Variants in DACH2 observed in about 807,000 individuals in gnomAD.
DACH2 encodes dachshund homolog 2.
A neutral mutation model predicts 35.8 loss-of-function variants in DACH2; 17 were observed. The observed-to-expected ratio is 0.48, with a 90% confidence interval of 0.33 to 0.71. The LOEUF (loss-of-function observed/expected upper bound fraction) is 0.71. Among genes scored for constraint, DACH2 ranks in the 30% least tolerant of loss-of-function variants. The probability of loss-of-function intolerance (pLI) is 0.02; values close to 1 mark genes in which losing one functional copy is unlikely to be tolerated. For missense variants in DACH2, 469 were observed against 472.7 expected (o/e 0.99, Z 0.07); for synonymous variants, 195 against 177.3 (o/e 1.10, Z -0.79).
At chrX:86,380,192 A>T (rs1430552033) in intron 2 of DACH2, among the ~76,000 whole-genome samples, 6 of 110,568 alleles carry the variant, frequency 5.4e-5, no homozygotes, top group Non-Finnish European at 1.1e-4. Context: ...AATCATCGTA[A>T]CAACTCTATA....
chrX:86,465,850 T>C (rs934976045), intron 2 of DACH2, among the ~76,000 whole-genome samples: 1 of 112,008 alleles, frequency 8.9e-6, no homozygotes, highest in Non-Finnish European at 1.9e-5. Context: ...TTTGAAAGAC[T>C]CACTTTATTT....
chrX:86,228,742 T>C (rs1345443818), intron 1 of DACH2, among the ~76,000 whole-genome samples: 1 of 112,070 alleles, frequency 8.9e-6, no homozygotes, highest in African/African-American at 3.2e-5. Context: ...TCATGTATTT[T>C]TTGGCCATTT....
chrX:86,647,181 T>C (rs995980711), intron 3 of DACH2, among the ~76,000 whole-genome samples: 1 of 110,418 alleles, frequency 9.1e-6, no homozygotes, highest in Non-Finnish European at 1.9e-5. Context: ...TCTGAATATA[T>C]ATGAGGTAAA....
intron 7 of DACH2, among the ~76,000 whole-genome samples, chrX:86,794,229 A>G (rs1370124563): frequency 9.0e-6 from 1 of 110,553 alleles, no homozygotes; most frequent in African/African-American, 3.3e-5. Flanking sequence ...GTATTGCAAA[A>G]AGACACCACG....
chrX:86,265,964 T>G (rs2033704783), intron 1 of DACH2, among the ~76,000 whole-genome samples: 1 of 111,708 alleles, frequency 9.0e-6, no homozygotes, highest in Non-Finnish European at 1.9e-5. Flanking sequence ...TATGTGTGTG[T>G]GTATGTGTAT....
At chrX:86,589,564 A>C (rs1765672008) in intron 3 of DACH2, among the ~76,000 whole-genome samples, 1 of 111,653 alleles carries the variant, frequency 9.0e-6, no homozygotes, top group Admixed American at 9.6e-5. Context: ...ATTATTAAAT[A>C]AAGTCTATAA....
intron 6 of DACH2, among the ~76,000 whole-genome samples, chrX:86,731,284 A>G (rs1294618607): frequency 9.0e-6 from 1 of 111,688 alleles, no homozygotes; most frequent in Non-Finnish European, 1.9e-5. Context: ...CTATCGTGGC[A>G]GATTTCAGGT....
chrX:86,572,073 T>G (rs1402041566), intron 3 of DACH2, among the ~76,000 whole-genome samples: 1 of 110,815 alleles, frequency 9.0e-6, no homozygotes, highest in Non-Finnish European at 1.9e-5. Flanking sequence ...AAGCGGAACA[T>G]CACACACCAC....
chrX:86,218,934 C>T (rs1271277078), intron 1 of DACH2, among the ~76,000 whole-genome samples: 2 of 111,918 alleles, frequency 1.8e-5, no homozygotes, highest in Non-Finnish European at 3.8e-5. Context: ...TTGATCTTCT[C>T]TCATTTCTTC....
intron 2 of DACH2, among the ~76,000 whole-genome samples, chrX:86,388,284 T>C (rs2036150930): frequency 8.9e-6 from 1 of 112,238 alleles, no homozygotes; most frequent in South Asian, 3.7e-4. Flanking sequence ...TCTTTGGATG[T>C]ACAATTTGTG....
chrX:86,640,132 C>T (rs1020290362), intron 3 of DACH2, among the ~76,000 whole-genome samples: 5 of 110,802 alleles, frequency 4.5e-5, no homozygotes, highest in Admixed American at 2.9e-4. Flanking sequence ...TTGTTACATG[C>T]GTGCCTGTTC....
intron 2 of DACH2, among the ~76,000 whole-genome samples, chrX:86,437,009 C>T (rs1430975642): frequency 1.8e-5 from 2 of 110,883 alleles, no homozygotes; most frequent in Non-Finnish European, 3.8e-5. Flanking sequence ...TTATTTCTGA[C>T]ATTAGTGATT....
chrX:86,187,213 G>A (rs1436891885), intron 1 of DACH2, among the ~76,000 whole-genome samples: 1 of 111,169 alleles, frequency 9.0e-6, no homozygotes, highest in Non-Finnish European at 1.9e-5. Context: ...GGTTAGAGGT[G>A]TCACCTACTT....
At chrX:86,253,257 G>A (rs1334109040) in intron 1 of DACH2, among the ~76,000 whole-genome samples, 1 of 111,254 alleles carries the variant, frequency 9.0e-6, no homozygotes, top group African/African-American at 3.3e-5. Context: ...CTACAAAACA[G>A]TGCTGAAAGA....
At chrX:86,612,880 G>T (rs889746452) in intron 3 of DACH2, among the ~76,000 whole-genome samples, 1 of 112,352 alleles carries the variant, frequency 8.9e-6, no homozygotes, top group Non-Finnish European at 1.9e-5. Flanking sequence ...GAGTCATCTT[G>T]CCCCACCTCA....
intron 7 of DACH2, among the ~76,000 whole-genome samples, chrX:86,787,632 A>G (rs1279264284): frequency 1.8e-5 from 2 of 110,301 alleles, no homozygotes; most frequent in African/African-American, 6.6e-5. Context: ...AAAAAAAAAA[A>G]AAAAGAAAAG....
In DACH2 at chrX:86,707,912, T is replaced by TAAAAAAAAAAAAAAAAAAAAAAAAAAAAA. The variant is rs56293403; in HGVS notation, c.932-6618_932-6617insAAAAAAAAAAAAAAAAAAAAAAAAAAAAA. Among the ~76,000 whole-genome samples the TAAAAAAAAAAAAAAAAAAAAAAAAAAAAA allele has an allele frequency of 3.0e-3, 105 of 34,552 alleles. 26 individuals carry two copies. The highest frequency in any genetic ancestry group is 5.0e-3 in the East Asian group (7 of 1,403). 30.0% of individuals were successfully genotyped at this position (34,552 alleles called of 115,157 possible). On this transcript the variant is annotated intron_variant, in intron 5 of 11. Transcript: ENST00000373125. ...CCTGGTGACAGAGTAAGACTCCATC[T>TAAAAAAAAAAAAAAAAAAAAAAAAAAAAA]AAAAAAAAAAAAAAAAAATTACACA...
At chrX:86,240,277 G>C (rs1412634770) in intron 1 of DACH2, among the ~76,000 whole-genome samples, 2 of 110,747 alleles carry the variant, frequency 1.8e-5, no homozygotes, top group Non-Finnish European at 3.8e-5. Flanking sequence ...GAGTTTTGTT[G>C]TTTTGGGTGG....
chrX:86,640,504 G>C (rs1458343787), intron 3 of DACH2, among the ~76,000 whole-genome samples: 3 of 111,182 alleles, frequency 2.7e-5, no homozygotes, highest in African/African-American at 9.8e-5. Flanking sequence ...GCTTACACCT[G>C]CATCTCTCTC....
Sources: allele counts gnomAD v4.1 joint callset (sites outside exome capture counted in the v4.1 genomes callset), GRCh38; gene constraint gnomAD v4.1.1; transcripts MANE v1.5; gene names NCBI Gene and HGNC (gene_info 2026-07-23, HGNC 2026-07-21).